The following CSMD1 variants were observed in gnomAD, a reference collection of about 807,000 sequenced individuals.
CSMD1 encodes CUB and sushi domain-containing protein 1.
A neutral mutation model predicts 417.5 loss-of-function variants in CSMD1; 213 were observed. The observed-to-expected ratio is 0.51, with a 90% CI of 0.46 to 0.57. The LOEUF (loss-of-function observed/expected upper bound fraction) is 0.57. Among genes scored for constraint, CSMD1 ranks in the 20% least tolerant of loss-of-function variants. CSMD1 has a pLI of 0.00. For missense variants in CSMD1, 6,923 were observed against 4,529.7 expected (o/e 1.53, Z -15.17); for synonymous variants, 2,862 against 1,736.8 (o/e 1.65, Z -16.11).
chr8:3,015,942 G>C (rs1808791492), intron 52 of CSMD1, among the ~76,000 whole-genome samples: 1 of 152,142 alleles, frequency 6.6e-6, no homozygotes, highest in Non-Finnish European at 1.5e-5. Context: ...TGCGCCTCCA[G>C]AGGGGACTAA....
chr8:3,585,856 G>C (rs551550322), intron 9 of CSMD1, among the ~76,000 whole-genome samples: 1 of 152,140 alleles, frequency 6.6e-6, no homozygotes, highest in African/African-American at 2.4e-5. Flanking sequence ...CATGCACACT[G>C]TTTGTGTGTA....
chr8:4,593,789 ATAAAGT>A (rs1381777916), intron 2 of CSMD1, among the ~76,000 whole-genome samples: 1 of 152,190 alleles, frequency 6.6e-6, no homozygotes, highest in African/African-American at 2.4e-5. Flanking sequence ...AGCATGCTTA[ATAAAGT>A]TAAAGAACTT....
chr8:4,039,457 TTACATTTCTTCTCTTTAC>T, intron 3 of CSMD1, among the ~76,000 whole-genome samples: 3 of 152,228 alleles, frequency 2.0e-5, no homozygotes, highest in Admixed American at 6.5e-5. Flanking sequence ...TCTTGAAACC[TTACATTTCTTCTCTTTAC>T]TGGCTCTCTG....
chr8:4,595,909 T>C (rs1800250856), intron 2 of CSMD1, among the ~76,000 whole-genome samples: 1 of 152,140 alleles, frequency 6.6e-6, no homozygotes, highest in African/African-American at 2.4e-5. Context: ...CCATCCACTC[T>C]TAAGGCCTGA....
chr8:3,800,941 C>T (rs934259806), intron 5 of CSMD1, among the ~76,000 whole-genome samples: 1 of 151,890 alleles, frequency 6.6e-6, no homozygotes, highest in Non-Finnish European at 1.5e-5. Context: ...TTATCCAGCC[C>T]CAAATATTCC....
intron 2 of CSMD1, among the ~76,000 whole-genome samples, chr8:4,458,850 A>G (rs540609042): frequency 6.0e-4 from 91 of 152,326 alleles, no homozygotes; most frequent in Admixed American, 1.3e-3. Flanking sequence ...AACTGAGGCA[A>G]GCGTAGCACT....
intron 18 of CSMD1, among the ~76,000 whole-genome samples, chr8:3,386,054 G>A (rs1333459427): frequency 1.3e-5 from 2 of 152,116 alleles, no homozygotes; most frequent in South Asian, 2.1e-4. Context: ...TTTAAGATTG[G>A]TAAGTGGCAA....
At chr8:3,330,303 C>G (rs188091913) in intron 23 of CSMD1, among the ~76,000 whole-genome samples, 1 of 152,220 alleles carries the variant, frequency 6.6e-6, no homozygotes, top group East Asian at 1.9e-4. Context: ...TGCATATGTT[C>G]GATGCAGCAG....
intron 5 of CSMD1, among the ~76,000 whole-genome samples, chr8:3,865,310 G>A (rs79961654): frequency 3.3e-3 from 504 of 152,232 alleles, no homozygotes; most frequent in African/African-American, 0.012. Context: ...TGTGACATAC[G>A]CACTCAATTT....
intron 1 of CSMD1, among the ~76,000 whole-genome samples, chr8:4,933,000 T>G (rs1310929702): frequency 6.6e-6 from 1 of 152,182 alleles, no homozygotes; most frequent in Non-Finnish European, 1.5e-5. Flanking sequence ...AAACTTACAA[T>G]AAACATTTCT....
chr8:3,146,589 G>A (rs975664825), intron 40 of CSMD1, among the ~76,000 whole-genome samples: 1 of 152,300 alleles, frequency 6.6e-6, no homozygotes, highest in Middle Eastern at 3.4e-3. Context: ...CTAAAATTGT[G>A]AGCAACCACA....
At chr8:4,605,259 G>A (rs1158376791) in intron 2 of CSMD1, among the ~76,000 whole-genome samples, 1 of 151,456 alleles carries the variant, frequency 6.6e-6, no homozygotes, top group African/African-American at 2.4e-5. Flanking sequence ...GACCGATGAA[G>A]TTTACCTTTA....
At chr8:3,296,475 C>A (rs114176938) in intron 25 of CSMD1, among the ~76,000 whole-genome samples, 1 of 151,922 alleles carries the variant, frequency 6.6e-6, no homozygotes, top group African/African-American at 2.4e-5. Context: ...GATGATACAC[C>A]GATGCGGGAT....
intron 23 of CSMD1, among the ~76,000 whole-genome samples, chr8:3,310,105 G>A (rs983023353): frequency 5.3e-5 from 8 of 152,298 alleles, no homozygotes; most frequent in Non-Finnish European, 1.0e-4. Context: ...TCCACAAAGG[G>A]GAGGTAGAAA....
intron 2 of CSMD1, among the ~76,000 whole-genome samples, chr8:4,635,514 G>A (rs1385344022): frequency 6.6e-6 from 1 of 151,984 alleles, no homozygotes; most frequent in African/African-American, 2.4e-5. Context: ...AAAATATTGA[G>A]AGAAAGAAAA....
intron 10 of CSMD1, among the ~76,000 whole-genome samples, chr8:3,571,318 G>A (rs939834873): frequency 6.6e-6 from 1 of 152,300 alleles, no homozygotes; most frequent in Non-Finnish European, 1.5e-5. Context: ...TAGGCACCTT[G>A]CTATCTCTGT....
intron 5 of CSMD1, among the ~76,000 whole-genome samples, chr8:3,963,165 C>G (rs1352139267): frequency 6.6e-6 from 1 of 152,140 alleles, no homozygotes; most frequent in Non-Finnish European, 1.5e-5. Flanking sequence ...CTCCTGACCT[C>G]CAGTAACCCT....
chr8:3,430,928 T>C (rs1307781873), intron 12 of CSMD1, among the ~76,000 whole-genome samples: 4 of 152,214 alleles, frequency 2.6e-5, no homozygotes, highest in Admixed American at 1.3e-4. Context: ...AAGCATTGAA[T>C]AGTTGCATGA....
chr8:4,121,784 G>T (rs1300887151), intron 3 of CSMD1, among the ~76,000 whole-genome samples: 3 of 151,948 alleles, frequency 2.0e-5, no homozygotes, highest in East Asian at 3.9e-4. Context: ...TAATATTACA[G>T]TACATCACTT....
Sources: gnomAD v4.1 joint callset for allele counts (sites outside exome capture counted in the v4.1 genomes callset) on GRCh38, gnomAD v4.1.1 for gene constraint, MANE v1.5 for transcripts, NCBI Gene and HGNC (gene_info 2026-07-23, HGNC 2026-07-21) for gene names.